Variants in RIC1 observed in about 807,000 individuals in gnomAD.
RIC1 encodes the protein guanine nucleotide exchange factor subunit RIC1.
In RIC1, 88 loss-of-function variants were observed where a neutral mutation model predicts 169.0. That is an observed-to-expected ratio of 0.52 (90% confidence interval 0.44 to 0.62). The LOEUF (loss-of-function observed/expected upper bound fraction) is 0.62, where lower values mean the gene tolerates loss of function less well. RIC1 is among the 20% of genes least tolerant of loss of function. The pLI, the probability that RIC1 is intolerant of heterozygous loss-of-function variation, is 0.00. For missense variants in RIC1, 1,877 were observed against 1,725.5 expected, an observed-to-expected ratio of 1.09 and a Z score of -1.56; for synonymous variants, 790 against 601.5, an observed-to-expected ratio of 1.31 and a Z score of -4.59.
Position 5,715,969 on chromosome 9 carries a change from C to A in RIC1, c.440+1966C>A, listed in dbSNP as rs558003152. ...CTCCAGTGATCTCACCTCAGCCTAT[C>A]AAGTAGCTGGGACTACAGGCACACG... On this transcript the variant is annotated intron_variant, in intron 4 of 25. Coordinates refer to ENST00000414202, the MANE Select transcript of RIC1 (RefSeq NM_020829.4). Among the ~76,000 whole-genome samples, 98 of 152,112 alleles carry A rather than the reference C, an allele frequency of 6.4e-4. 1 individual carries two copies. Among genetic ancestry groups the A allele is most frequent in the Admixed American group, 5.9e-3 (90 of 15,284 alleles).
Position 5,746,005 on chromosome 9 carries a change from C to T in RIC1, c.1170C>T (p.Asp390=), listed in dbSNP as rs1825355259. 6.2e-7 allele frequency: 1 copy of T among 1,613,582 alleles called. No individual in the cohort carries two copies. The highest frequency in any genetic ancestry group is 1.3e-5 in the African/African-American group (1 of 74,974). The change falls in exon 11 of 26, where the codon GAC becomes GAT. Residue 390 remains aspartate, a synonymous_variant. Coordinates refer to ENST00000414202, the MANE Select transcript of RIC1 (RefSeq NM_020829.4). ...FGSQNTEIES[D]LRSVVKQPSI... is the part of the protein sequence containing the mutation. ...CTCAAAACACTGAAATTGAGTCTGA[C>T]CTCAGGAGTGTAGTTAAACAGCCCA...
chr9:5,726,512 G>T (rs1342574349), intron 6 of RIC1, among the ~76,000 whole-genome samples: 1 of 152,132 alleles, frequency 6.6e-6, no homozygotes, highest in Admixed American at 6.5e-5. Flanking sequence ...TATCCAATTT[G>T]CCAGTCTGTG....
chr9:5,743,141 C>T, intron 9 of RIC1, 128 bp downstream of exon 9: 1 of 779,394 alleles, frequency 1.3e-6, no homozygotes, highest in Admixed American at 2.9e-5. Flanking sequence ...TTGCAAAGTT[C>T]ATAATCTGTT....
At chr9:5,745,648 C>T (rs1200325167) in intron 10 of RIC1, among the ~76,000 whole-genome samples, 1 of 152,084 alleles carries the variant, frequency 6.6e-6, no homozygotes, top group African/African-American at 2.4e-5. Context: ...TTACAGAGCA[C>T]AGTAGGTATT....
chr9:5,674,092 A>G (rs1473859783), intron 2 of RIC1, among the ~76,000 whole-genome samples: 1 of 152,184 alleles, frequency 6.6e-6, no homozygotes, highest in Non-Finnish European at 1.5e-5. Context: ...GAAGTCTAAT[A>G]TGCTGTAAAA....
At position 5,763,099 on chromosome 9, in the gene RIC1, T is replaced by C. The variant is rs1390500489; in HGVS notation, c.2113-41T>C. The stretch of plus-strand genomic sequence containing the variant: ...CCTAGGAACTTAAGAACCTGCAGAT[T>C]TAATAGGAAAACAACTTGATTCTTG... On this transcript the variant is annotated intron_variant, in intron 18 of 25. Transcript: ENST00000414202. The surrounding 1 kb of genome is among the most constrained non-coding windows in gnomAD (Gnocchi z 5.2). 2 of 1,590,064 alleles carry C rather than the reference T, an allele frequency of 1.3e-6. No individual in the cohort carries two copies. The highest frequency in any genetic ancestry group is 1.3e-5 in the African/African-American group (1 of 74,180).
At chr9:5,717,613 G>A (rs1172627935) in intron 4 of RIC1, among the ~76,000 whole-genome samples, 1 of 152,156 alleles carries the variant, frequency 6.6e-6, no homozygotes, top group African/African-American at 2.4e-5. Flanking sequence ...GGGAGGCCGA[G>A]GCGGGTGGAT....
chr9:5,711,109 A>G (rs1313152087), intron 3 of RIC1, among the ~76,000 whole-genome samples: 2 of 152,296 alleles, frequency 1.3e-5, no homozygotes, highest in East Asian at 1.9e-4. Flanking sequence ...TTGTAGAAAA[A>G]TTAATTATTT....
At chr9:5,681,604 A>G (rs1820843996) in intron 2 of RIC1, among the ~76,000 whole-genome samples, 2 of 152,210 alleles carry the variant, frequency 1.3e-5, no homozygotes, top group Admixed American at 1.3e-4. Flanking sequence ...TGTTGCTGAA[A>G]AGAATGTATA....
chr9:5,716,971 C>G (rs748139856), intron 4 of RIC1, among the ~76,000 whole-genome samples: 1 of 152,188 alleles, frequency 6.6e-6, no homozygotes, highest in Non-Finnish European at 1.5e-5. Flanking sequence ...ACGCCTGGCT[C>G]AGCCTTTGTT....
intron 2 of RIC1, among the ~76,000 whole-genome samples, chr9:5,681,332 A>G (rs1820823728): frequency 6.6e-6 from 1 of 151,794 alleles, no homozygotes. Flanking sequence ...CACTGCTTTG[A>G]ATGTGTCCCA....
At position 5,642,783 on chromosome 9, in the gene RIC1, T is replaced by G. The variant is rs536468760; in HGVS notation, c.144+13330T>G. The stretch of plus-strand genomic sequence containing the variant: ...TATAGTTAAATATTTATTTGGAGTT[T>G]ACTGTGGACTAGGTATTTTACATCA... On this transcript the variant is annotated intron_variant, in intron 1 of 25. Transcript: ENST00000414202. Among the ~76,000 whole-genome samples, 75 of 151,994 alleles carry G rather than the reference T, an allele frequency of 4.9e-4. 3 individuals are homozygous for G. In the South Asian group the frequency reaches 0.016, roughly 32 times the overall value.
At position 5,727,105 on chromosome 9, in the gene RIC1, T is replaced by G. The variant is rs563819877; in HGVS notation, c.721-5283T>G. ...CCTGAATTTGAATGTTGGTCTGCCT[T>G]GCTAGGTTGGGGAAGTTCTCCTGGA... On this transcript the variant is annotated intron_variant, in intron 6 of 25. Transcript: ENST00000414202. 4.6e-5 allele frequency among the ~76,000 whole-genome samples: 7 copies of G among 152,346 alleles called. No individual in the cohort carries two copies. In the East Asian group the frequency reaches 1.3e-3, roughly 29 times the overall value.
In RIC1 at chr9:5,757,390, T is replaced by C. The variant is rs1009243515; in HGVS notation, c.1931T>C (p.Val644Ala). 3.1e-6 allele frequency: 5 copies of C among 1,614,100 alleles called. No homozygotes were observed. Among genetic ancestry groups the C allele is most frequent in the Non-Finnish European group, 3.4e-6 (4 of 1,179,930 alleles). ...SRYIPHPFLV[V>A]SVTLTSVSTE... is the part of the protein sequence containing the mutation. Reference sequence around the variant, plus strand: ...TACATTCCTCACCCTTTCCTGGTGGTATCTGTCACTCTGACATCAGTGAGT... The same window carrying C: ...TACATTCCTCACCCTTTCCTGGTGGCATCTGTCACTCTGACATCAGTGAGT... The change falls in exon 17 of 26, where the codon GTA becomes GCA. Residue 644 changes from valine to alanine, a missense_variant. Physicochemically the swap from Val to Ala is moderately conservative, Grantham distance 64. This residue lies in a region of RIC1 where 1,104 missense variants were observed against 992.0 expected (regional missense o/e 1.11). Transcript: ENST00000414202.
At chr9:5,634,011 A>G (rs1240332628) in intron 1 of RIC1, among the ~76,000 whole-genome samples, 3 of 152,102 alleles carry the variant, frequency 2.0e-5, no homozygotes, top group African/African-American at 4.8e-5. Context: ...TTGCTTACTT[A>G]GTATACTGTC....
chr9:5,745,910 C>G (rs1434203026), intron 10 of RIC1, 21 bp from the exon 11 acceptor site: 3 of 1,589,346 alleles, frequency 1.9e-6, no homozygotes, highest in Non-Finnish European at 2.6e-6. Context: ...GACTTTTTTT[C>G]TCCCTCCTCT....
chr9:5,756,814 C>T (rs2131058591), intron 16 of RIC1, among the ~76,000 whole-genome samples: 1 of 152,322 alleles, frequency 6.6e-6, no homozygotes. Context: ...AAAAAATCAG[C>T]AGTGTTGTTG....
chr9:5,747,436 T>C lies in RIC1; in HGVS notation c.1383T>C (p.Phe461=), dbSNP rs1358086961. 2 of 1,614,016 alleles carry C rather than the reference T, an allele frequency of 1.2e-6. No homozygotes were observed. Among genetic ancestry groups the C allele is most frequent in the Non-Finnish European group, 1.7e-6 (2 of 1,179,956 alleles). The change falls in exon 12 of 26, where the codon TTT becomes TTC. Residue 461 remains phenylalanine (F), a synonymous_variant. Transcript: ENST00000414202. ...AGCCCAGTCGAGAAAAGAGCCCATT[T>C]GCAGATGGAGGTTTAGAGTCTCAGG... ...EHKPSREKSP[F]ADGGLESQGL... is the part of the protein sequence containing the mutation.
chr9:5,726,529 A>C (rs894966980), intron 6 of RIC1, among the ~76,000 whole-genome samples: 2 of 152,214 alleles, frequency 1.3e-5, no homozygotes, highest in Admixed American at 6.5e-5. Context: ...TGTGTCTTTT[A>C]ATCGGAGCAT....
Sources: allele counts gnomAD v4.1 joint callset (sites outside exome capture counted in the v4.1 genomes callset), GRCh38; gene constraint gnomAD v4.1.1; regional missense constraint gnomAD v4.1.1; non-coding constraint Gnocchi (gnomAD v3.1); transcripts MANE v1.5; gene names NCBI Gene and HGNC (gene_info 2026-07-23, HGNC 2026-07-21).